Variants in JDP2 observed in about 807,000 individuals in gnomAD.
The protein encoded by JDP2 is progesterone receptor co-activator.
In JDP2, 9 loss-of-function variants were observed where a neutral mutation model predicts 17.1. The ratio of observed to expected loss-of-function variants is 0.53; its 90% CI spans 0.32 to 0.92. The LOEUF is 0.92. Among genes scored for constraint, JDP2 ranks in the 40% least tolerant of loss-of-function variants. JDP2 has a pLI of 0.04. For missense variants in JDP2, 179 were observed against 220.0 expected, an observed-to-expected ratio of 0.81 and a Z score of 1.18; for synonymous variants, 107 against 95.6, an observed-to-expected ratio of 1.12 and a Z score of -0.69.
At position 75,469,549 on chromosome 14, in the gene JDP2, C is replaced by G; in HGVS notation, c.*74C>G. 2 of 1,307,350 alleles carry G rather than the reference C, an allele frequency of 1.5e-6. No individual in the cohort carries two copies. The highest frequency in any genetic ancestry group is 2.1e-6 in the Non-Finnish European group (2 of 940,592). 81.0% of individuals were successfully genotyped at this position (1,307,350 alleles called of 1,614,324 possible). ...GACGAAGAGAGAGGAGGAGGGGGGC[C>G]CCAGATGGCCCTTCCTTTGGTGCAT... On this transcript the variant is annotated 3_prime_UTR_variant, in exon 4 of 4. Coordinates refer to ENST00000651602, the MANE Select transcript of JDP2 (RefSeq NM_001135048.2).
At chr14:75,427,899 T>C (rs1346128373), upstream of JDP2, 1 of 151,514 alleles carries the variant, frequency 6.6e-6, no homozygotes, top group Non-Finnish European at 1.5e-5. The surrounding 1 kb of genome is among the most constrained non-coding windows in gnomAD (Gnocchi z 4.4). Flanking sequence ...CCCGGTCCCC[T>C]CCTTCCCTTC....
chr14:75,456,925 C>A (rs983731056), intron 2 of JDP2, among the ~76,000 whole-genome samples: 2 of 152,162 alleles, frequency 1.3e-5, no homozygotes, highest in Non-Finnish European at 2.9e-5. Context: ...TCCTGAGTCC[C>A]CAGGTCTCTC....
At chr14:75,429,485 TTAAG>T (rs1884688736) in intron 1 of JDP2, among the ~76,000 whole-genome samples, 5 of 152,104 alleles carry the variant, frequency 3.3e-5, no homozygotes, top group African/African-American at 1.2e-4. Context: ...CAAACGTCCT[TTAAG>T]CCCTTGGTAG....
At chr14:75,469,189 C>A (rs934384599) in intron 3 of JDP2, 101 bp from the exon 4 acceptor site, 7 of 1,081,226 alleles carry the variant, frequency 6.5e-6, no homozygotes, top group Non-Finnish European at 6.7e-6. Flanking sequence ...AGAAAACAGG[C>A]CAGTGCCAGC....
intron 1 of JDP2, among the ~76,000 whole-genome samples, chr14:75,433,272 TGCTC>T (rs1884902114): frequency 7.2e-6 from 1 of 139,772 alleles, no homozygotes; most frequent in African/African-American, 2.6e-5. Context: ...TTTGCCATTA[TGCTC>T]AATGGCAAAA....
chr14:75,432,226 G>T, intron 1 of JDP2: 2 of 1,234,692 alleles, frequency 1.6e-6, no homozygotes, highest in African/African-American at 1.5e-5. Flanking sequence ...CTCGACTTTT[G>T]GAAGCCGCGT....
At chr14:75,442,430 C>T (rs1885398975) in intron 2 of JDP2, among the ~76,000 whole-genome samples, 1 of 152,186 alleles carries the variant, frequency 6.6e-6, no homozygotes, top group Non-Finnish European at 1.5e-5. Flanking sequence ...CCCCAGCCCG[C>T]TTCATACCAT....
intron 1 of JDP2, among the ~76,000 whole-genome samples, chr14:75,429,462 G>C (rs1884686475): frequency 6.6e-6 from 1 of 152,068 alleles, no homozygotes; most frequent in Non-Finnish European, 1.5e-5. Flanking sequence ...CCATGTTTGG[G>C]TACATTTGTA....
At chr14:75,450,965 C>T (rs1363514901) in intron 2 of JDP2, among the ~76,000 whole-genome samples, 1 of 152,156 alleles carries the variant, frequency 6.6e-6, no homozygotes, top group Non-Finnish European at 1.5e-5. Context: ...GCTCCAGCTG[C>T]ATGTACAGGA....
Position 75,471,803 on chromosome 14 carries a change from C to T in JDP2, c.*2328C>T. Reference sequence around the variant, plus strand: ...CTTGAGGCTGTCGGTCCGGACGATGCAGGTGAGGCAGTGTCAGTTCTGCAT... The same window carrying T: ...CTTGAGGCTGTCGGTCCGGACGATGTAGGTGAGGCAGTGTCAGTTCTGCAT... On this transcript the variant is annotated 3_prime_UTR_variant, in exon 4 of 4. Coordinates refer to ENST00000651602, the MANE Select transcript of JDP2 (RefSeq NM_001135048.2). The T allele has an allele frequency of 6.4e-6, 1 of 157,024 alleles. No individual in the cohort carries two copies. Among genetic ancestry groups the T allele is most frequent in the Non-Finnish European group, 1.4e-5 (1 of 70,094 alleles). 9.7% of individuals were successfully genotyped at this position (157,024 alleles called of 1,614,324 possible).
chr14:75,461,663 C>A, intron 3 of JDP2, 133 bp downstream of exon 3: 1 of 692,386 alleles, frequency 1.4e-6, no homozygotes, highest in Admixed American at 2.3e-5. Context: ...AGCCTTGGCC[C>A]CTCTGCTCTT....
chr14:75,450,483 G>T (rs1278619735), intron 2 of JDP2, among the ~76,000 whole-genome samples: 2 of 152,214 alleles, frequency 1.3e-5, no homozygotes, highest in African/African-American at 4.8e-5. Flanking sequence ...ATCCACCCGT[G>T]CCCCCAGCCA....
chr14:75,438,142 T>C, intron 2 of JDP2, 21 bp downstream of exon 2: 1 of 1,570,972 alleles, frequency 6.4e-7, no homozygotes, highest in Non-Finnish European at 8.7e-7. Context: ...CTTTTACCCC[T>C]GGCAGATTCC....
intron 2 of JDP2, among the ~76,000 whole-genome samples, chr14:75,442,472 C>T (rs984193385): frequency 6.6e-6 from 1 of 152,148 alleles, no homozygotes; most frequent in Admixed American, 6.5e-5. Context: ...GAGTCTGTGT[C>T]CCATGTTTAT....
intron 3 of JDP2, among the ~76,000 whole-genome samples, chr14:75,465,874 A>G (rs1194369565): frequency 6.6e-6 from 1 of 152,240 alleles, no homozygotes; most frequent in Non-Finnish European, 1.5e-5. Context: ...TCTCTGGGGC[A>G]ATAAATATCT....
At chr14:75,453,781 G>C (rs181542495) in intron 2 of JDP2, among the ~76,000 whole-genome samples, 2 of 152,334 alleles carry the variant, frequency 1.3e-5, no homozygotes, top group African/African-American at 4.8e-5. Context: ...TGTCAACTCT[G>C]ATGCCACAAG....
At chr14:75,445,276 A>G (rs1222086117) in intron 2 of JDP2, 1 of 985,364 alleles carries the variant, frequency 1.0e-6, no homozygotes, top group Non-Finnish European at 1.2e-6. Flanking sequence ...TTCAGGCGGG[A>G]TGTGAAAGTG....
rs184594354 is a variant in JDP2 at position 75,453,108 on chromosome 14, G to A, written c.202-8318G>A. 1.1e-3 allele frequency among the ~76,000 whole-genome samples: 165 copies of A among 152,212 alleles called. 6 individuals are homozygous for A. Among genetic ancestry groups the A allele is most frequent in the Admixed American group, 0.011 (165 of 15,292 alleles). On this transcript the variant is annotated intron_variant, in intron 2 of 3. Coordinates refer to ENST00000651602, the MANE Select transcript of JDP2 (RefSeq NM_001135048.2). Reference sequence around the variant, plus strand: ...CCTCCTGGAGTGGGAGGAGGCTATGGGCCTAGCCGGCTGGGCAGGCTGAGA... The same window carrying A: ...CCTCCTGGAGTGGGAGGAGGCTATGAGCCTAGCCGGCTGGGCAGGCTGAGA...
rs1566749461 is a variant in JDP2, at chr14:75,466,167, G to GC, written c.307-3122dup. 3.9e-5 allele frequency among the ~76,000 whole-genome samples: 6 copies of GC among 152,336 alleles called. No individual in the cohort carries two copies. The East Asian group carries it at 7.7e-4, about 20-fold the overall frequency. ...GCAGTTAGTTACATTCTGGCTGGGC[G>GC]CGGTGGCTCATGCCTGTAATCCCAG... On this transcript the variant is annotated intron_variant, in intron 3 of 3. Coordinates refer to ENST00000651602, the MANE Select transcript of JDP2 (RefSeq NM_001135048.2).
Sources: gnomAD v4.1 joint callset for allele counts (sites outside exome capture counted in the v4.1 genomes callset) on GRCh38, gnomAD v4.1.1 for gene constraint, Gnocchi (gnomAD v3.1) non-coding constraint, MANE v1.5 for transcripts, NCBI Gene and HGNC (gene_info 2026-07-23, HGNC 2026-07-21) for gene names.